TMEM232: variants seen among roughly 807,000 people sequenced by gnomAD.
TMEM232 encodes transmembrane protein 232.
In TMEM232, 80 loss-of-function variants were observed where a neutral mutation model predicts 78.8. The observed-to-expected ratio is 1.01, with a 90% CI of 0.85 to 1.22. The LOEUF (loss-of-function observed/expected upper bound fraction) is 1.22, where lower values mean the gene tolerates loss of function less well. Among genes scored for constraint, TMEM232 ranks in the 50% most tolerant of loss-of-function variants. The pLI is 0.00. For missense variants in TMEM232, 881 were observed against 742.2 expected (o/e 1.19, Z -2.17); for synonymous variants, 297 against 254.3 (o/e 1.17, Z -1.60).
chr5:110,669,716 A>G (rs1241353064), intron 1 of TMEM232, among the ~76,000 whole-genome samples: 2 of 152,188 alleles, frequency 1.3e-5, no homozygotes, highest in Non-Finnish European at 2.9e-5. Context: ...GATGAACATC[A>G]ATGCAGAAAT....
chr5:110,614,797 T>C (rs951362807), intron 8 of TMEM232, among the ~76,000 whole-genome samples: 5 of 151,982 alleles, frequency 3.3e-5, no homozygotes, highest in Non-Finnish European at 5.9e-5. Flanking sequence ...AAATTAAATA[T>C]TTGAATCTCC....
At chr5:110,700,625 A>G (rs1795311218) in intron 1 of TMEM232, among the ~76,000 whole-genome samples, 1 of 151,982 alleles carries the variant, frequency 6.6e-6, no homozygotes, top group Admixed American at 6.6e-5. Flanking sequence ...TGAAATGGGC[A>G]CAGAAATTAA....
intron 1 of TMEM232, among the ~76,000 whole-genome samples, chr5:110,685,726 A>G (rs1384659461): frequency 1.3e-5 from 2 of 152,186 alleles, no homozygotes; most frequent in Non-Finnish European, 2.9e-5. Context: ...CAATAGTCCC[A>G]AACCAGAAAC....
rs1554079192 is a variant in TMEM232, at chr5:110,691,156, A to AAG, written c.-12-23793_-12-23792insCT. ...ACTTAAAGTATAAGGAAAAAAAAAA[A>AAG]AAAGAAAGAAAGGAAGCTTTGGACA... is the stretch of plus-strand genomic sequence containing the variant. On this transcript the variant is annotated intron_variant, in intron 1 of 13. Coordinates refer to ENST00000455884, the MANE Select transcript of TMEM232 (RefSeq NM_001039763.4). Among the ~76,000 whole-genome samples, 487 of 151,620 alleles carry AAG rather than the reference A, an allele frequency of 3.2e-3. 2 individuals are homozygous for AAG. Among genetic ancestry groups the AAG allele is most frequent in the African/African-American group, 0.011 (468 of 41,290 alleles).
At chr5:110,549,014 C>G (rs1774123294) in intron 11 of TMEM232, among the ~76,000 whole-genome samples, 1 of 151,752 alleles carries the variant, frequency 6.6e-6, no homozygotes, top group Non-Finnish European at 1.5e-5. Context: ...ATCTTCTAAA[C>G]AATGTATGGT....
intron 12 of TMEM232, among the ~76,000 whole-genome samples, chr5:110,436,073 C>G (rs1223350043): frequency 1.3e-5 from 2 of 151,854 alleles, no homozygotes; most frequent in Non-Finnish European, 2.9e-5. Context: ...ACATTCCTAC[C>G]AATACTTGCA....
intron 2 of TMEM232, among the ~76,000 whole-genome samples, 180 bp from the exon 3 acceptor site, chr5:110,642,551 TC>T (rs1214545263): frequency 6.6e-6 from 1 of 152,160 alleles, no homozygotes; most frequent in Non-Finnish European, 1.5e-5. Context: ...ACTGATCCTG[TC>T]ATACTCTTAG....
chr5:110,642,885 C>G (rs1786938769), intron 2 of TMEM232, among the ~76,000 whole-genome samples: 1 of 152,014 alleles, frequency 6.6e-6, no homozygotes, highest in Non-Finnish European at 1.5e-5. Context: ...GAGGCTACTG[C>G]AGGGTTTGAG....
intron 12 of TMEM232, among the ~76,000 whole-genome samples, chr5:110,466,444 C>T (rs1309519032): frequency 6.6e-6 from 1 of 152,094 alleles, no homozygotes. Context: ...CTTTTCTATG[C>T]TTCCTCTACC....
intron 12 of TMEM232, among the ~76,000 whole-genome samples, chr5:110,483,508 C>G (rs1764123558): frequency 6.6e-6 from 1 of 151,848 alleles, no homozygotes; most frequent in Admixed American, 6.6e-5. Context: ...GACAAAAAAC[C>G]AAACACCGCA....
chr5:110,689,421 A>C (rs1317452388), intron 1 of TMEM232, among the ~76,000 whole-genome samples: 2 of 152,222 alleles, frequency 1.3e-5, no homozygotes, highest in Non-Finnish European at 2.9e-5. Flanking sequence ...AATAGTAAGT[A>C]TAAATATAAT....
intron 1 of TMEM232, among the ~76,000 whole-genome samples, chr5:110,696,481 G>C (rs1296637056): frequency 6.6e-6 from 1 of 152,096 alleles, no homozygotes; most frequent in Non-Finnish European, 1.5e-5. Context: ...GGAAATAAAG[G>C]GCATTCAATT....
At chr5:110,471,784 T>G (rs949209675) in intron 12 of TMEM232, among the ~76,000 whole-genome samples, 5 of 152,010 alleles carry the variant, frequency 3.3e-5, no homozygotes, top group Admixed American at 3.3e-4. Context: ...ATGACAGTCC[T>G]TTGAGTAGAA....
chr5:110,687,966 T>G (rs186045383), intron 1 of TMEM232, among the ~76,000 whole-genome samples: 3 of 152,230 alleles, frequency 2.0e-5, no homozygotes, highest in Admixed American at 2.0e-4. Context: ...AATGTTTGGT[T>G]TGTAAAAGAG....
intron 12 of TMEM232, among the ~76,000 whole-genome samples, chr5:110,462,473 A>G (rs1761639166): frequency 6.6e-6 from 1 of 152,200 alleles, no homozygotes; most frequent in African/African-American, 2.4e-5. Flanking sequence ...GCAGAGGAAC[A>G]TGGAAAGACA....
intron 11 of TMEM232, among the ~76,000 whole-genome samples, chr5:110,559,857 C>G (rs530436157): frequency 6.6e-6 from 1 of 152,108 alleles, no homozygotes; most frequent in Admixed American, 6.6e-5. Context: ...TCTCTTCTAG[C>G]TTCTAGTGAT....
At position 110,646,029 on chromosome 5, in the gene TMEM232, A is replaced by C. The variant is rs558460831; in HGVS notation, c.126-3658T>G. 2.0e-5 allele frequency among the ~76,000 whole-genome samples: 3 copies of C among 151,696 alleles called. No homozygotes were observed. In the South Asian group the frequency reaches 6.2e-4, roughly 31 times the overall value. On this transcript the variant is annotated intron_variant, in intron 2 of 13. Coordinates refer to ENST00000455884, the MANE Select transcript of TMEM232 (RefSeq NM_001039763.4). The stretch of plus-strand genomic sequence containing the variant: ...AAAGAGGTGAAAGACCTGTACACTG[A>C]AAATTATAAAACATTTATAAAGGAA...
chr5:110,431,596 T>C (rs1294357807), intron 12 of TMEM232, among the ~76,000 whole-genome samples: 1 of 151,488 alleles, frequency 6.6e-6, no homozygotes, highest in Non-Finnish European at 1.5e-5. Flanking sequence ...AGGTTTATAT[T>C]GGAGTTACAA....
At chr5:110,475,831 T>C (rs535396423) in intron 12 of TMEM232, among the ~76,000 whole-genome samples, 5 of 151,846 alleles carry the variant, frequency 3.3e-5, no homozygotes, top group Non-Finnish European at 7.4e-5. Context: ...TAAAAAAAAG[T>C]ACAGCAAACA....
Sources: gnomAD v4.1 joint callset for allele counts (sites outside exome capture counted in the v4.1 genomes callset) on GRCh38, gnomAD v4.1.1 for gene constraint, MANE v1.5 for transcripts, NCBI Gene and HGNC (gene_info 2026-07-23, HGNC 2026-07-21) for gene names.